Variants in STAC observed in about 807,000 individuals in gnomAD.
STAC encodes the protein SH3 and cysteine rich domain, also known as SH3 and cysteine-rich domain-containing protein.
A neutral mutation model predicts 48.8 loss-of-function variants in STAC; 43 were observed. That is an observed-to-expected ratio of 0.88 (90% CI 0.69 to 1.14). The LOEUF is 1.14. Among genes scored for constraint, STAC ranks in the 50% most tolerant of loss-of-function variants. STAC has a pLI of 0.00. For synonymous variants in STAC, 193 were observed against 179.5 expected, an observed-to-expected ratio of 1.07 and a Z score of -0.60; for missense variants, 497 against 504.0, an observed-to-expected ratio of 0.99 and a Z score of 0.13.
At chr3:36,511,199 G>T (rs572062465) in intron 8 of STAC, among the ~76,000 whole-genome samples, 141 of 152,130 alleles carry the variant, frequency 9.3e-4, no homozygotes, top group African/African-American at 3.2e-3. Context: ...TACTTGTTGT[G>T]TGACCTTAAG....
intron 10 of STAC, among the ~76,000 whole-genome samples, chr3:36,534,910 C>T (rs1699163626): frequency 6.6e-6 from 1 of 152,126 alleles, no homozygotes; most frequent in African/African-American, 2.4e-5. Flanking sequence ...AAGTGATCCC[C>T]AGCCTCCCAA....
chr3:36,481,750 C>T (rs1160587023), intron 2 of STAC, among the ~76,000 whole-genome samples: 1 of 152,230 alleles, frequency 6.6e-6, no homozygotes, highest in Non-Finnish European at 1.5e-5. Flanking sequence ...GCCTTGTTCA[C>T]ACAGCTGTCT....
chr3:36,422,586 C>T (rs533344281), intron 1 of STAC, among the ~76,000 whole-genome samples: 6 of 152,018 alleles, frequency 3.9e-5, no homozygotes, highest in Admixed American at 2.6e-4. Flanking sequence ...AAAACATTTA[C>T]GTATATAAAA....
intron 2 of STAC, among the ~76,000 whole-genome samples, chr3:36,459,694 A>G (rs959569405): frequency 1.3e-5 from 2 of 152,172 alleles, no homozygotes; most frequent in Non-Finnish European, 2.9e-5. Context: ...TTATTCTTTT[A>G]TTCCTGATTT....
chr3:36,507,559 G>T (rs1248895493), intron 8 of STAC, among the ~76,000 whole-genome samples: 1 of 151,958 alleles, frequency 6.6e-6, no homozygotes, highest in Non-Finnish European at 1.5e-5. Context: ...GGCTTTTTTT[G>T]GTTGATAGCC....
intron 1 of STAC, among the ~76,000 whole-genome samples, chr3:36,407,507 A>G (rs1446009167): frequency 3.9e-5 from 6 of 152,270 alleles, no homozygotes; most frequent in African/African-American, 7.2e-5. Context: ...AGGTAGAGCC[A>G]TGCTTTGGGC....
intron 5 of STAC, among the ~76,000 whole-genome samples, chr3:36,490,021 T>C (rs894809451): frequency 1.3e-5 from 2 of 152,170 alleles, no homozygotes; most frequent in African/African-American, 4.8e-5. Flanking sequence ...TAAAAACCCC[T>C]CCAGGTGATT....
At chr3:36,395,024 T>C (rs538956906) in intron 1 of STAC, among the ~76,000 whole-genome samples, 1 of 100,380 alleles carries the variant, frequency 1.0e-5, no homozygotes, top group Non-Finnish European at 1.9e-5. Flanking sequence ...AAAAGATATA[T>C]AGATATATAT....
chr3:36,398,320 C>CAAGAAAGCAAGAAAGAAAGA lies in STAC; in HGVS notation c.111+17573_111+17574insCAAGAAAGAAAGAAAGAAAG, dbSNP rs1208055608. Reference sequence around the variant, plus strand: ...AAAAGAAAGAAAGAAAGAAAGAAAGCAAGAAAGAAAGAAAGAAAGAAAGAA... The same window carrying CAAGAAAGCAAGAAAGAAAGA: ...AAAAGAAAGAAAGAAAGAAAGAAAGCAAGAAAGCAAGAAAGAAAGAAAGAAAGAAAGAAAGAAAGAAAGAA... On this transcript the variant is annotated intron_variant, in intron 1 of 10. Transcript: ENST00000273183. Among the ~76,000 whole-genome samples the CAAGAAAGCAAGAAAGAAAGA allele has an allele frequency of 2.8e-3, 228 of 82,230 alleles. 4 individuals carry two copies. The highest frequency in any genetic ancestry group is 3.0e-3 in the Admixed American group (22 of 7,414). 53.9% of individuals were successfully genotyped at this position (82,230 alleles called of 152,430 possible). A position where few individuals can be genotyped will look rare whatever the true frequency, so the allele number is the denominator to read the frequency against.
rs150951995 is a variant in STAC at position 36,418,326 on chromosome 3, A to G, written c.112-25038A>G. Among the ~76,000 whole-genome samples, 17 of 152,270 alleles carry G rather than the reference A, an allele frequency of 1.1e-4. No homozygotes were observed. In the East Asian group the frequency reaches 3.1e-3, roughly 28 times the overall value. ...TAAAGTTTTTACACTTATTATTTTC[A>G]TAACTATTTTTTAATACCCTGAAAC... On this transcript the variant is annotated intron_variant, in intron 1 of 10. Coordinates refer to ENST00000273183, the MANE Select transcript of STAC (RefSeq NM_003149.3).
chr3:36,416,936 C>T (rs1482966354), intron 1 of STAC, among the ~76,000 whole-genome samples: 3 of 152,122 alleles, frequency 2.0e-5, no homozygotes, highest in Non-Finnish European at 2.9e-5. Context: ...TGTTTATAAC[C>T]CCCATCACCC....
At chr3:36,530,580 C>CTTT (rs775751742) in intron 10 of STAC, among the ~76,000 whole-genome samples, 17 of 102,716 alleles carry the variant, frequency 1.7e-4, no homozygotes, top group East Asian at 5.6e-4. Context: ...TTCACCTTTT[C>CTTT]TTTTTTTTTT....
chr3:36,425,041 G>A (rs1452777457), intron 1 of STAC, among the ~76,000 whole-genome samples: 1 of 152,160 alleles, frequency 6.6e-6, no homozygotes, highest in Non-Finnish European at 1.5e-5. Context: ...GCAAGTATAT[G>A]ATAAGTACAG....
intron 2 of STAC, among the ~76,000 whole-genome samples, chr3:36,462,001 G>T (rs932053445): frequency 4.6e-5 from 7 of 152,086 alleles, no homozygotes; most frequent in African/African-American, 1.7e-4. Flanking sequence ...GCGTGGGGGC[G>T]AGGATTGACG....
At position 36,398,368 on chromosome 3, in the gene STAC, A is replaced by AAAGG. The variant is rs1553631494; in HGVS notation, c.111+17616_111+17617insGGAA. 1.9e-5 allele frequency among the ~76,000 whole-genome samples: 2 copies of AAAGG among 102,880 alleles called. 1 individual carries two copies. The highest frequency in any genetic ancestry group is 7.5e-5 in the African/African-American group (2 of 26,524). The allele number at this position is 102,880 out of a possible 152,430, so 67.5% of individuals were successfully genotyped here. On this transcript the variant is annotated intron_variant, in intron 1 of 10. Coordinates refer to ENST00000273183, the MANE Select transcript of STAC (RefSeq NM_003149.3). ...GAAAGAAAGAAAGAAAGAAAGAAAGAAAAGAAAGAGAGAAAGAAAGAAAGA... is the reference window on the plus strand; with the variant it reads ...GAAAGAAAGAAAGAAAGAAAGAAAGAAAGGAAAGAAAGAGAGAAAGAAAGAAAGA...
At chr3:36,531,599 C>A (rs7647494) in intron 10 of STAC, among the ~76,000 whole-genome samples, 19,071 of 152,186 alleles carry the variant, frequency 0.13, 1,259 homozygotes, top group African/African-American at 0.16. Flanking sequence ...CCACAGCCCA[C>A]CCACCTTACC....
intron 5 of STAC, among the ~76,000 whole-genome samples, chr3:36,487,493 C>T (rs1050834072): frequency 2.6e-5 from 4 of 152,172 alleles, no homozygotes; most frequent in Admixed American, 1.3e-4. Context: ...CTTTCTTCTA[C>T]TCAGTTAGCA....
intron 2 of STAC, among the ~76,000 whole-genome samples, chr3:36,482,672 T>C (rs1297079327): frequency 6.6e-6 from 1 of 152,058 alleles, no homozygotes; most frequent in East Asian, 1.9e-4. Context: ...CACAGAAAAG[T>C]AGAATTGAGT....
intron 8 of STAC, among the ~76,000 whole-genome samples, chr3:36,526,574 GC>G (rs1172066571): frequency 6.6e-6 from 1 of 152,168 alleles, no homozygotes; most frequent in Non-Finnish European, 1.5e-5. Flanking sequence ...CTGTGAGTGA[GC>G]CATTGGGGTT....
Sources: gnomAD v4.1 joint callset for allele counts (sites outside exome capture counted in the v4.1 genomes callset) on GRCh38, gnomAD v4.1.1 for gene constraint, MANE v1.5 for transcripts, NCBI Gene and HGNC (gene_info 2026-07-23, HGNC 2026-07-21) for gene names.